TRDN: variants seen among roughly 807,000 people sequenced by gnomAD.
The protein encoded by TRDN is triadin.
In TRDN, 161 loss-of-function variants were observed where a neutral mutation model predicts 149.7. That is an observed-to-expected ratio of 1.08 (90% confidence interval 0.95 to 1.23). The LOEUF (loss-of-function observed/expected upper bound fraction) is 1.23, where lower values mean the gene tolerates loss of function less well. Among genes scored for constraint, TRDN ranks in the 50% most tolerant of loss-of-function variants. TRDN has a pLI of 0.00. For missense variants in TRDN, 896 were observed against 823.5 expected, an observed-to-expected ratio of 1.09 and a Z score of -1.08; for synonymous variants, 294 against 250.5, an observed-to-expected ratio of 1.17 and a Z score of -1.64.
At chr6:123,310,068 A>T (rs144919489) in intron 24 of TRDN, among the ~76,000 whole-genome samples, 1 of 152,194 alleles carries the variant, frequency 6.6e-6, no homozygotes, top group East Asian at 1.9e-4. Context: ...TTTTGTGGGT[A>T]GCTGCTTAAA....
rs1352824350 is a variant in TRDN at position 123,614,314 on chromosome 6, AC to A, written c.22+22439del. ...AAAAAAAAAAACAAAAAAAAAAAAA[AC>A]AAAAAAAACCCTCAAATTGACCATT... On this transcript the variant is annotated intron_variant, in intron 1 of 40. Coordinates refer to ENST00000334268, the MANE Select transcript of TRDN (RefSeq NM_006073.4). 3.5e-4 allele frequency among the ~76,000 whole-genome samples: 48 copies of A among 135,552 alleles called. 2 individuals carry two copies. The East Asian group carries it at 4.1e-3, about 12-fold the overall frequency. 88.9% of individuals were successfully genotyped at this position (135,552 alleles called of 152,430 possible). A position where few individuals can be genotyped will look rare whatever the true frequency, so the allele number is the denominator to read the frequency against.
chr6:123,465,130 AT>A (rs1271393001), intron 9 of TRDN, 147 bp from the exon 10 acceptor site: 3 of 892,486 alleles, frequency 3.4e-6, no homozygotes, highest in South Asian at 5.1e-5. Context: ...AAAGAAAGCT[AT>A]TATTAAGGGA....
At chr6:123,238,394 A>C (rs569690383) in intron 38 of TRDN, among the ~76,000 whole-genome samples, 1 of 152,288 alleles carries the variant, frequency 6.6e-6, no homozygotes, top group African/African-American at 2.4e-5. Flanking sequence ...GCAATTTTAT[A>C]CTTTGTTAGG....
At chr6:123,594,781 ATTAT>A (rs1783955158) in intron 1 of TRDN, among the ~76,000 whole-genome samples, 1 of 152,030 alleles carries the variant, frequency 6.6e-6, no homozygotes, top group East Asian at 1.9e-4. Flanking sequence ...TATTTTTAGT[ATTAT>A]TTAGGTAGCA....
intron 1 of TRDN, among the ~76,000 whole-genome samples, chr6:123,616,233 G>A (rs1044465708): frequency 3.9e-5 from 6 of 151,950 alleles, no homozygotes; most frequent in Non-Finnish European, 5.9e-5. Context: ...TGCTTGCAGC[G>A]ACTTGGAAGG....
In TRDN at chr6:123,504,168, T is replaced by C. The variant is rs201059795; in HGVS notation, c.611-267A>G. ...AGTGTTATGGCTTTTAATTTGTACA[T>C]GAAAACACTATTTTTTAAGGCAATA... On this transcript the variant is annotated intron_variant, in intron 7 of 40. Transcript: ENST00000334268. Among the ~76,000 whole-genome samples the C allele has an allele frequency of 6.9e-4, 105 of 152,086 alleles. 1 individual carries two copies. The highest frequency in any genetic ancestry group is 4.3e-3 in the East Asian group (22 of 5,140).
intron 24 of TRDN, among the ~76,000 whole-genome samples, chr6:123,291,646 C>G (rs572292298): frequency 6.6e-6 from 1 of 152,146 alleles, no homozygotes; most frequent in East Asian, 1.9e-4. Context: ...TGATAAGATT[C>G]ATAAATGGGG....
intron 12 of TRDN, among the ~76,000 whole-genome samples, chr6:123,412,119 T>TA (rs1273357127): frequency 6.6e-6 from 1 of 152,212 alleles, no homozygotes; most frequent in African/African-American, 2.4e-5. Context: ...GTACTATTTT[T>TA]ATCTCCCCAA....
chr6:123,511,702 A>T (rs185482204), intron 7 of TRDN, among the ~76,000 whole-genome samples: 1 of 152,220 alleles, frequency 6.6e-6, no homozygotes, highest in Admixed American at 6.6e-5. Context: ...GCTCTACTGA[A>T]TTCTCTGCTT....
chr6:123,483,191 C>T (rs1277040378), intron 9 of TRDN, among the ~76,000 whole-genome samples: 1 of 151,288 alleles, frequency 6.6e-6, no homozygotes, highest in African/African-American at 2.4e-5. Context: ...CAAGCTCCGC[C>T]TCCCAGGTTC....
chr6:123,524,947 A>G (rs1474222407), intron 5 of TRDN, among the ~76,000 whole-genome samples: 2 of 152,092 alleles, frequency 1.3e-5, no homozygotes, highest in Non-Finnish European at 2.9e-5. Flanking sequence ...ATTCACAAAC[A>G]TGAAAAATTG....
intron 24 of TRDN, among the ~76,000 whole-genome samples, chr6:123,295,489 C>T (rs1486786758): frequency 6.6e-6 from 1 of 152,116 alleles, no homozygotes; most frequent in Non-Finnish European, 1.5e-5. Flanking sequence ...TGGGGCTCAC[C>T]TGCCCTGCAT....
intron 15 of TRDN, 25 bp downstream of exon 15, chr6:123,382,093 A>G: frequency 2.0e-6 from 3 of 1,469,146 alleles, no homozygotes; most frequent in South Asian, 1.4e-5. Flanking sequence ...AACATAAGGC[A>G]GAAAAAAAGA....
intron 12 of TRDN, among the ~76,000 whole-genome samples, chr6:123,395,498 G>T (rs1463588639): frequency 2.0e-5 from 3 of 151,986 alleles, no homozygotes; most frequent in Non-Finnish European, 2.9e-5. Flanking sequence ...GCCTGTCCTG[G>T]GTTGGGCTGT....
intron 1 of TRDN, among the ~76,000 whole-genome samples, chr6:123,623,971 T>C (rs1285895899): frequency 6.6e-6 from 1 of 152,194 alleles, no homozygotes; most frequent in Non-Finnish European, 1.5e-5. Context: ...TATAACTTTA[T>C]ACATACTTCT....
rs370742379 is a variant in TRDN, at chr6:123,535,864, A to G, written c.425-5299T>C. ...TATAGTATACTAATATAATTAAAATATCATGCATTTTGATAGGAAAATGTA... is the reference window on the plus strand; with the variant it reads ...TATAGTATACTAATATAATTAAAATGTCATGCATTTTGATAGGAAAATGTA... On this transcript the variant is annotated intron_variant, in intron 4 of 40. Coordinates refer to ENST00000334268, the MANE Select transcript of TRDN (RefSeq NM_006073.4). Among the ~76,000 whole-genome samples, 5 of 152,300 alleles carry G rather than the reference A, an allele frequency of 3.3e-5. No homozygotes were observed. In the East Asian group the frequency reaches 7.7e-4, roughly 23 times the overall value.
intron 1 of TRDN, among the ~76,000 whole-genome samples, chr6:123,594,294 C>A (rs114187362): frequency 0.019 from 2,914 of 151,762 alleles, 107 homozygotes; most frequent in African/African-American, 0.067. Flanking sequence ...TTATTTTTAC[C>A]TTATGAATCT....
chr6:123,465,105 A>G, intron 9 of TRDN, 122 bp from the exon 10 acceptor site: 1 of 1,079,610 alleles, frequency 9.3e-7, no homozygotes, highest in Non-Finnish European at 1.3e-6. Context: ...AGTATAAATC[A>G]TATTATTATG....
chr6:123,408,730 A>G (rs757230256), intron 12 of TRDN, among the ~76,000 whole-genome samples: 7 of 151,970 alleles, frequency 4.6e-5, no homozygotes, highest in Non-Finnish European at 1.0e-4. Context: ...ATTAATTTCC[A>G]TACTCGACCG....
Sources: gnomAD v4.1 joint callset for allele counts (sites outside exome capture counted in the v4.1 genomes callset) on GRCh38, gnomAD v4.1.1 for gene constraint, MANE v1.5 for transcripts, NCBI Gene and HGNC (gene_info 2026-07-23, HGNC 2026-07-21) for gene names.